Variants in DNAH8 observed in about 807,000 individuals in gnomAD.
DNAH8 encodes the protein axonemal beta dynein heavy chain 8.
Under a neutral mutation model 562.1 loss-of-function variants are expected in DNAH8, and 382 were observed. The ratio of observed to expected loss-of-function variants is 0.68; its 90% CI spans 0.63 to 0.74. DNAH8 has a LOEUF of 0.74. Ranked by LOEUF, DNAH8 falls within the 30% of genes least tolerant of loss-of-function variation. The probability of loss-of-function intolerance (pLI) is 0.00; values close to 1 mark genes in which losing one functional copy is unlikely to be tolerated. For synonymous variants in DNAH8, 1,881 were observed against 1,919.4 expected, an observed-to-expected ratio of 0.98 and a Z score of 0.52; for missense variants, 5,203 against 5,620.4, an observed-to-expected ratio of 0.93 and a Z score of 2.37.
At chr6:39,028,905 CA>C (rs1767481148) in intron 92 of DNAH8, among the ~76,000 whole-genome samples, 1 of 151,816 alleles carries the variant, frequency 6.6e-6, no homozygotes, top group African/African-American at 2.4e-5. Flanking sequence ...TGAGCCCCCA[CA>C]GGGGGATTCC....
chr6:38,896,444 A>T (rs1221821100), intron 60 of DNAH8, among the ~76,000 whole-genome samples: 1 of 151,982 alleles, frequency 6.6e-6, no homozygotes, highest in African/African-American at 2.4e-5. Flanking sequence ...GTGTGGTGGC[A>T]TGCTGCTGTA....
chr6:38,763,581 A>C (rs1766720694), intron 11 of DNAH8: 1 of 184,484 alleles, frequency 5.4e-6, no homozygotes. Context: ...TGGGAGACCA[A>C]GACGGGTGGA....
Position 39,026,604 on chromosome 6 carries a change from C to G in DNAH8, c.13773C>G (p.Asp4591Glu). The G allele has an allele frequency of 6.2e-7, 1 of 1,612,986 alleles. No homozygotes were observed. Among genetic ancestry groups the G allele is most frequent in the Non-Finnish European group, 8.5e-7 (1 of 1,179,384 alleles). ...VTRAHKGWAL[D>E]TVTIHNEVLR... ...GTGCCCACAAAGGCTGGGCACTGGA[C>G]ACTGTGACCATCCACAATGAAGTTC... The change falls in exon 92 of 93, where the codon GAC (aspartate) becomes GAG (glutamate). Residue 4591 changes from aspartate to glutamate, a missense_variant. Asp to Glu is a conservative substitution (Grantham distance 45). Coordinates refer to ENST00000327475, the MANE Select transcript of DNAH8 (RefSeq NM_001206927.2).
At chr6:38,726,535 C>T (rs1272174675) in intron 3 of DNAH8, among the ~76,000 whole-genome samples, 2 of 152,176 alleles carry the variant, frequency 1.3e-5, no homozygotes, top group African/African-American at 4.8e-5. Flanking sequence ...CCAGGACTGA[C>T]ACTGCTTAGG....
chr6:38,831,414 G>C (rs1773820283), intron 30 of DNAH8, among the ~76,000 whole-genome samples: 1 of 121,338 alleles, frequency 8.2e-6, no homozygotes, highest in African/African-American at 3.2e-5. Flanking sequence ...CCTGGTGACA[G>C]AGTGAGACAC....
chr6:38,917,235 A>G lies in DNAH8; in HGVS notation c.10141-4A>G, dbSNP rs78154539. ...AAAATATTGATCCTTAATCCCAAAT[A>G]TAGACTATCAAGCCAAATGATATTG... is the stretch of plus-strand genomic sequence containing the variant. On this transcript the variant is annotated splice_region_variant and splice_polypyrimidine_tract_variant and intron_variant, in intron 68 of 92. Transcript: ENST00000327475. 1 of 509,018 alleles carries G rather than the reference A, an allele frequency of 2.0e-6. No homozygotes were observed. 31.5% of individuals were successfully genotyped at this position (509,018 alleles called of 1,614,324 possible).
At chr6:38,781,544 C>T (rs935522764) in intron 16 of DNAH8, among the ~76,000 whole-genome samples, 171 bp downstream of exon 16, 1 of 152,112 alleles carries the variant, frequency 6.6e-6, no homozygotes, top group Non-Finnish European at 1.5e-5. Flanking sequence ...AAGTCAATTC[C>T]TTCAGGTTTA....
In DNAH8 at chr6:38,852,456, A is replaced by G. The variant is rs976422566; in HGVS notation, c.5467-238A>G. ...GTGGAAGGTGACAGTCCTTAGTCTA[A>G]TCTGCATAGCATGGGAGGGGCCATT... is the stretch of plus-strand genomic sequence containing the variant. On this transcript the variant is annotated intron_variant, in intron 39 of 92. Coordinates refer to ENST00000327475, the MANE Select transcript of DNAH8 (RefSeq NM_001206927.2). Among the ~76,000 whole-genome samples the G allele has an allele frequency of 3.9e-5, 6 of 152,004 alleles. No individual in the cohort carries two copies. In the East Asian group the frequency reaches 7.8e-4, roughly 20 times the overall value.
chr6:38,781,301 C>T lies in DNAH8; in HGVS notation c.2187C>T (p.Pro729=), dbSNP rs770029785. Residue 729 remains proline (P), a synonymous_variant, in exon 16 of 93, where the codon CCC becomes CCT. Coordinates refer to ENST00000327475, the MANE Select transcript of DNAH8 (RefSeq NM_001206927.2). ...KDDPPLARNM[P]PIAGKILWVR... ...ACCCCCCTCTTGCTCGCAACATGCC[C>T]CCTATAGCAGGAAAAATACTCTGGG... 3.7e-6 allele frequency: 6 copies of T among 1,613,742 alleles called. No homozygotes were observed. The highest frequency in any genetic ancestry group is 3.4e-6 in the Non-Finnish European group (4 of 1,179,936).
At chr6:38,832,244 C>T in intron 30 of DNAH8, 78 bp from the exon 31 acceptor site, 1 of 835,480 alleles carries the variant, frequency 1.2e-6, no homozygotes, top group East Asian at 2.6e-5. Context: ...GTGAGATACA[C>T]TTGTTGGAAT....
At position 38,863,859 on chromosome 6, in the gene DNAH8, GT is replaced by G; in HGVS notation, c.6311-9del. ...TAGAGTAAAACTTTACAAATTAACTGTTTTTCATGCCAGGTCTTGCACAGTC... is the reference window on the plus strand; with the variant it reads ...TAGAGTAAAACTTTACAAATTAACTGTTTTCATGCCAGGTCTTGCACAGTC... On this transcript the variant is annotated splice_polypyrimidine_tract_variant and intron_variant, in intron 44 of 92. Coordinates refer to ENST00000327475, the MANE Select transcript of DNAH8 (RefSeq NM_001206927.2). 6.4e-7 allele frequency: 1 copy of G among 1,569,888 alleles called. No individual in the cohort carries two copies.
chr6:38,791,475 TA>T (rs758872129), intron 20 of DNAH8, 79 bp from the exon 21 acceptor site: 13 of 1,463,980 alleles, frequency 8.9e-6, no homozygotes, highest in African/African-American at 1.4e-5. Flanking sequence ...AATTAATTTA[TA>T]ACTCAAGCCT....
At chr6:38,963,066 A>G (rs1224655695) in intron 82 of DNAH8, among the ~76,000 whole-genome samples, 3 of 152,028 alleles carry the variant, frequency 2.0e-5, no homozygotes, top group Non-Finnish European at 4.4e-5. Flanking sequence ...CTCAGAAATC[A>G]CCACTAAAAA....
rs1372116031 is a variant in DNAH8, at chr6:38,870,504, A to T, written c.6932A>T (p.His2311Leu). ...TYAELQNAVAHQVQIEGLINH... is the reference protein window; with the variant it reads ...TYAELQNAVALQVQIEGLINH... ...GCAGAACTGCAAAACGCAGTAGCCCATCAGGTTCAGATAGAGGGTTTGATT... is the reference window on the plus strand; with the variant it reads ...GCAGAACTGCAAAACGCAGTAGCCCTTCAGGTTCAGATAGAGGGTTTGATT... Residue 2311 changes from histidine to leucine, a missense_variant, in exon 49 of 93, where the codon CAT (histidine) becomes CTT (leucine). Physicochemically the swap from His to Leu is moderately conservative, Grantham distance 99 (BLOSUM62 -3). Around this residue, in one of 6 missense-constraint regions of DNAH8, gnomAD observed 2,176 missense variants for 2,365.1 expected, o/e 0.92. Transcript: ENST00000327475. 1.9e-6 allele frequency: 3 copies of T among 1,614,102 alleles called. No individual in the cohort carries two copies. The East Asian group carries it at 6.7e-5, about 36-fold the overall frequency.
intron 32 of DNAH8, 145 bp downstream of exon 32, chr6:38,834,786 C>T (rs1282636775): frequency 3.3e-6 from 2 of 610,726 alleles, no homozygotes; most frequent in Admixed American, 3.1e-5. Flanking sequence ...CTAAATGATG[C>T]AATTGACTCC....
chr6:38,951,353 G>T lies in DNAH8; in HGVS notation c.12284G>T (p.Arg4095Ile), dbSNP rs763970939. Residue 4095 changes from arginine (R) to isoleucine (I), a missense_variant, in exon 82 of 93, where the codon AGA becomes ATA. By Grantham distance (97) the Arg-to-Ile change is moderately conservative (BLOSUM62 -3). This residue lies in a region of DNAH8 where 1,399 missense variants were observed against 1,518.4 expected (regional missense o/e 0.92). Transcript: ENST00000327475. ...CCAGACCGTACTGTTTTTCAAGCAA[G>T]AAAGTATATTGCAGATTCTTTGGAG... is the stretch of plus-strand genomic sequence containing the variant. ...WCPDRTVFQA[R>I]KYIADSLEEK... 1 of 1,614,146 alleles carries T rather than the reference G, an allele frequency of 6.2e-7. No individual in the cohort carries two copies. Among genetic ancestry groups the T allele is most frequent in the Non-Finnish European group, 8.5e-7 (1 of 1,180,008 alleles).
rs70981590 is a variant in DNAH8, at chr6:38,818,537, C to CAAAAAAAAAAAAAAAAAAAAAAAA, written c.3523+2896_3523+2897insAAAAAAAAAAAAAAAAAAAAAAAA. 1.0e-3 allele frequency among the ~76,000 whole-genome samples: 78 copies of CAAAAAAAAAAAAAAAAAAAAAAAA among 75,788 alleles called. 1 individual carries two copies. The highest frequency in any genetic ancestry group is 3.7e-3 in the African/African-American group (60 of 16,088). The allele number at this position is 75,788 out of a possible 152,430, so 49.7% of individuals were successfully genotyped here. A position where few individuals can be genotyped will look rare whatever the true frequency, so the allele number is the denominator to read the frequency against. ...CAAAATAAGAAAGCAAAAGCAAAAG[C>CAAAAAAAAAAAAAAAAAAAAAAAA]AAAAAAAAAAAAAAAAGAAGATATG... On this transcript the variant is annotated intron_variant, in intron 26 of 92. Transcript: ENST00000327475.
At chr6:38,798,825 C>T (rs561775563) in intron 21 of DNAH8, among the ~76,000 whole-genome samples, 146 of 152,174 alleles carry the variant, frequency 9.6e-4, no homozygotes, top group African/African-American at 3.2e-3. Context: ...GGTGAGATAC[C>T]GCAGGAGTCC....
At chr6:38,719,179 G>C (rs1190549826) in intron 1 of DNAH8, among the ~76,000 whole-genome samples, 2 of 152,124 alleles carry the variant, frequency 1.3e-5, no homozygotes, top group Admixed American at 6.5e-5. Context: ...GACATCTAGG[G>C]GGTGCTACAT....
Sources: gnomAD v4.1 joint callset for allele counts (sites outside exome capture counted in the v4.1 genomes callset) on GRCh38, gnomAD v4.1.1 for gene constraint, gnomAD v4.1.1 regional missense constraint, MANE v1.5 for transcripts, NCBI Gene and HGNC (gene_info 2026-07-23, HGNC 2026-07-21) for gene names.